Variants in ACP2 observed in about 807,000 individuals in gnomAD.
The protein encoded by ACP2 is lysosomal acid phosphatase.
ACP2 carries 35 observed loss-of-function variants against 54.7 expected under a neutral mutation model. That is an observed-to-expected ratio of 0.64 (90% CI 0.49 to 0.85). ACP2 has a LOEUF of 0.85. ACP2 is among the 40% of genes least tolerant of loss of function. The pLI, the probability that ACP2 is intolerant of heterozygous loss-of-function variation, is 0.00. For synonymous variants in ACP2, 210 were observed against 224.4 expected (o/e 0.94, Z 0.57); for missense variants, 492 against 565.0 (o/e 0.87, Z 1.31).
rs1954035838 is a variant in ACP2, at chr11:47,245,522, G to A, written c.501C>T (p.Asn167=). The part of the protein sequence containing the change: ...GPCPRYEQLQ[N]ETRQTPEYQN... The stretch of plus-strand genomic sequence containing the variant: ...GATACTCTGGTGTCTGCCGGGTCTC[G>A]TTCTGCAGCTGCTCATAACGGGGAC... Residue 167 remains asparagine, a synonymous_variant, in exon 5 of 11, where the codon AAC becomes AAT. Transcript: ENST00000672073. 7.4e-6 allele frequency: 12 copies of A among 1,614,230 alleles called. No individual in the cohort carries two copies. In the South Asian group the frequency reaches 7.7e-5, roughly 10 times the overall value.
intron 7 of ACP2, among the ~76,000 whole-genome samples, chr11:47,244,533 A>G (rs1300736344): frequency 6.6e-6 from 1 of 152,158 alleles, no homozygotes; most frequent in Non-Finnish European, 1.5e-5. Context: ...AAAAATAACA[A>G]TTTTTTTAAA....
In ACP2 at chr11:47,245,333, C is replaced by T. The variant is rs1954026085; in HGVS notation, c.611G>A (p.Trp204Ter). The change falls in exon 6 of 11, where the codon TGG becomes TAG. Residue 204 changes from tryptophan (W) to a stop codon, truncating the protein, a stop_gained. Coordinates refer to ENST00000672073, the MANE Select transcript of ACP2 (RefSeq NM_001610.4). LOFTEE classifies it high-confidence loss of function. ...GLTDLTLETV[W>*]NVYDTLFCEQ... is the part of the protein sequence containing the mutation. ...ACAGAAGAGTGTGTCATAGACATTC[C>T]AGACGGTCTCCAGTGTCAGGTCTGT... The T allele has an allele frequency of 6.2e-7, 1 of 1,613,998 alleles. No homozygotes were observed. The highest frequency in any genetic ancestry group is 1.3e-5 in the African/African-American group (1 of 74,904).
chr11:47,242,492 T>C (rs1365172865), intron 10 of ACP2, among the ~76,000 whole-genome samples: 1 of 150,460 alleles, frequency 6.6e-6, no homozygotes, highest in Admixed American at 6.6e-5. Flanking sequence ...AGTAACCTGG[T>C]GGTGGGAGAA....
intron 1 of ACP2, 47 bp from the exon 2 acceptor site, chr11:47,248,180 A>G (rs1294516063): frequency 1.3e-6 from 2 of 1,512,180 alleles, no homozygotes; most frequent in African/African-American, 1.4e-5. Context: ...CATCCCCTTG[A>G]TAGGGACCCA....
chr11:47,248,392 G>A, intron 1 of ACP2: 1 of 1,495,698 alleles, frequency 6.7e-7, no homozygotes. Context: ...CAACGTATGT[G>A]GTGGGGACAA....
chr11:47,242,597 G>T, intron 10 of ACP2, 126 bp downstream of exon 10: 1 of 1,120,888 alleles, frequency 8.9e-7, no homozygotes, highest in Admixed American at 2.1e-5. Context: ...AGCAGTCTGG[G>T]GTCGGGGAGG....
Position 47,243,129 on chromosome 11 carries a change from G to T in ACP2, c.856-5C>A. On this transcript the variant is annotated splice_polypyrimidine_tract_variant and splice_region_variant and intron_variant, in intron 8 of 10. Transcript: ENST00000672073. ...GGCAACCAGGGTAGTGTCGTGCTGCGGGGGAGAGGGGCTGCCCGTCAGCAT... is the reference window on the plus strand; with the variant it reads ...GGCAACCAGGGTAGTGTCGTGCTGCTGGGGAGAGGGGCTGCCCGTCAGCAT... 6.2e-7 allele frequency: 1 copy of T among 1,614,066 alleles called. No homozygotes were observed. The highest frequency in any genetic ancestry group is 8.5e-7 in the Non-Finnish European group (1 of 1,179,902).
rs139234725 is a variant in ACP2 at position 47,246,356 on chromosome 11, G to A, written c.298-522C>T. The stretch of plus-strand genomic sequence containing the variant: ...TTTGGGAGGCCAATGCAGGAGGATC[G>A]CTTGAGGCCAGGAGCTCGAGACCAG... On this transcript the variant is annotated intron_variant, in intron 3 of 10. Transcript: ENST00000672073. Among the ~76,000 whole-genome samples the A allele has an allele frequency of 1.5e-4, 23 of 152,088 alleles. No homozygotes were observed. The East Asian group carries it at 4.3e-3, about 28-fold the overall frequency.
At chr11:47,247,549 C>G in intron 3 of ACP2, 92 bp downstream of exon 3, 1 of 1,448,242 alleles carries the variant, frequency 6.9e-7, no homozygotes, top group Non-Finnish European at 9.7e-7. Context: ...AGAAGGAGGC[C>G]AAAGTGCCCA....
In ACP2 at chr11:47,245,842, G is replaced by A. The variant is rs986357069; in HGVS notation, c.298-8C>T. ...TGTGCTTCGCACATAAACCTGCAGC[G>A]ATAGCAACACAAGTCGTGTGTGTGT... On this transcript the variant is annotated splice_region_variant and splice_polypyrimidine_tract_variant and intron_variant, in intron 3 of 10. Transcript: ENST00000672073. 2.2e-5 allele frequency: 35 copies of A among 1,556,652 alleles called. No homozygotes were observed. The highest frequency in any genetic ancestry group is 3.0e-5 in the Non-Finnish European group (35 of 1,150,974).
rs1368139704 is a variant in ACP2, at chr11:47,240,226, A to T, written c.1162T>A (p.Cys388Ser). The T allele has an allele frequency of 6.3e-7, 1 of 1,591,798 alleles. No homozygotes were observed. The change falls in exon 11 of 11, where the codon TGT becomes AGT. Residue 388 changes from cysteine (C) to serine (S), a missense_variant. By Grantham distance (112) the Cys-to-Ser change is moderately radical. Coordinates refer to ENST00000672073, the MANE Select transcript of ACP2 (RefSeq NM_001610.4). ...DTEVIVALAV[C>S]GSILFLLIVL... ...ATGAGGAGGAAGAGGATGGAGCCACATACAGCCAAGGCCACAATCACCTCT... is the reference window on the plus strand; with the variant it reads ...ATGAGGAGGAAGAGGATGGAGCCACTTACAGCCAAGGCCACAATCACCTCT...
At chr11:47,245,981 G>A in intron 3 of ACP2, 147 bp from the exon 4 acceptor site, 1 of 1,352,076 alleles carries the variant, frequency 7.4e-7, no homozygotes, top group Non-Finnish European at 9.6e-7. Context: ...CCCCAGAGGA[G>A]AACCTGTTCC....
chr11:47,245,185 C>T, intron 6 of ACP2, 120 bp downstream of exon 6: 1 of 1,149,600 alleles, frequency 8.7e-7, no homozygotes, highest in Non-Finnish European at 1.3e-6. Flanking sequence ...TTCACAAGCA[C>T]AGCCTCCCTG....
At chr11:47,246,902 T>G (rs1954132757) in intron 3 of ACP2, among the ~76,000 whole-genome samples, 1 of 152,062 alleles carries the variant, frequency 6.6e-6, no homozygotes, top group Non-Finnish European at 1.5e-5. Flanking sequence ...TTTGAAGAGC[T>G]TATTCAGAGA....
intron 7 of ACP2, 24 bp downstream of exon 7, chr11:47,244,710 GT>G (rs1247278401): frequency 2.2e-5 from 34 of 1,573,578 alleles, no homozygotes; most frequent in Non-Finnish European, 2.8e-5. Flanking sequence ...GAGGAGTAGA[GT>G]GACACGCTGT....
intron 2 of ACP2, 112 bp downstream of exon 2, chr11:47,247,926 G>C: frequency 9.6e-7 from 1 of 1,036,304 alleles, no homozygotes; most frequent in East Asian, 2.4e-5. Flanking sequence ...TCTGGTCAAA[G>C]TCAGCACCCA....
chr11:47,245,034 G>T (rs1201479422), intron 6 of ACP2, 167 bp from the exon 7 acceptor site: 2 of 1,314,046 alleles, frequency 1.5e-6, no homozygotes, highest in Admixed American at 2.2e-5. Context: ...ATGCTTCAGG[G>T]CACAGGAAAG....
rs566088140 is a variant in ACP2, at chr11:47,243,936, A to T, written c.773-615T>A. On this transcript the variant is annotated intron_variant, in intron 7 of 10. Coordinates refer to ENST00000672073, the MANE Select transcript of ACP2 (RefSeq NM_001610.4). ...CAGATCACCAGAGGTCAGGAGTTTG[A>T]GACCAGCCTGGCCAACATAGTGAAA... Among the ~76,000 whole-genome samples, 22 of 152,276 alleles carry T rather than the reference A, an allele frequency of 1.4e-4. 1 individual carries two copies. In the South Asian group the frequency reaches 4.6e-3, roughly 32 times the overall value.
Position 47,245,289 on chromosome 11 carries a change from A to C in ACP2, c.639+16T>G, listed in dbSNP as rs1450851631. ...AGGGAAAAGAATGATCACAGTGGGCACCCTAGTGGGCTCACCTCACAGAAG... is the reference window on the plus strand; with the variant it reads ...AGGGAAAAGAATGATCACAGTGGGCCCCCTAGTGGGCTCACCTCACAGAAG... On this transcript the variant is annotated intron_variant, in intron 6 of 10. Transcript: ENST00000672073. 6.2e-7 allele frequency: 1 copy of C among 1,612,104 alleles called. No homozygotes were observed.
Sources: gnomAD v4.1 joint callset for allele counts (sites outside exome capture counted in the v4.1 genomes callset) on GRCh38, gnomAD v4.1.1 for gene constraint, MANE v1.5 for transcripts, NCBI Gene and HGNC (gene_info 2026-07-23, HGNC 2026-07-21) for gene names.